Variants in MRPS15 observed in about 807,000 individuals in gnomAD.
MRPS15 encodes mitochondrial ribosomal protein S15.
A neutral mutation model predicts 30.7 loss-of-function variants in MRPS15; 25 were observed. The ratio of observed to expected loss-of-function variants is 0.81; its 90% CI spans 0.59 to 1.14. MRPS15 has a LOEUF of 1.14. MRPS15 is among the 50% of genes most tolerant of loss of function. The pLI, the probability that MRPS15 is intolerant of heterozygous loss-of-function variation, is 0.00. For synonymous variants in MRPS15, 124 were observed against 120.1 expected, an observed-to-expected ratio of 1.03 and a Z score of -0.21; for missense variants, 313 against 321.7, an observed-to-expected ratio of 0.97 and a Z score of 0.21.
intron 6 of MRPS15, among the ~76,000 whole-genome samples, chr1:36,457,208 G>A (rs531968224): frequency 1.5e-4 from 23 of 151,926 alleles, no homozygotes; most frequent in African/African-American, 3.6e-4. Flanking sequence ...CCTGGGAGGC[G>A]GAGCCTGCAG....
intron 2 of MRPS15, among the ~76,000 whole-genome samples, chr1:36,462,412 T>G (rs1650117087): frequency 6.6e-6 from 1 of 152,228 alleles, no homozygotes; most frequent in Non-Finnish European, 1.5e-5. Context: ...CACACACCTA[T>G]CTGGCTCTAC....
At chr1:36,461,191 G>C in intron 4 of MRPS15, 73 bp downstream of exon 4, 2 of 1,375,006 alleles carry the variant, frequency 1.5e-6, no homozygotes, top group Non-Finnish European at 1.0e-6. Context: ...GAGATGCGGG[G>C]TGCTAATCAG....
At chr1:36,461,871 C>G (rs1650106196) in intron 3 of MRPS15, among the ~76,000 whole-genome samples, 1 of 152,128 alleles carries the variant, frequency 6.6e-6, no homozygotes, top group Non-Finnish European at 1.5e-5. Context: ...GGGTGTTCAT[C>G]TAGAGTACAA....
Position 36,457,928 on chromosome 1 carries a change from G to C in MRPS15, c.439C>G (p.Arg147Gly). 1 of 1,614,052 alleles carries C rather than the reference G, an allele frequency of 6.2e-7. No individual in the cohort carries two copies. The highest frequency in any genetic ancestry group is 8.5e-7 in the Non-Finnish European group (1 of 1,179,938). Residue 147 changes from arginine to glycine, a missense_variant, in exon 6 of 8, where the codon CGA becomes GGA. Physicochemically the swap from Arg to Gly is moderately radical, Grantham distance 125. Transcript: ENST00000373116. ...RSYEEHLEKH[R>G]KDKAHKRYLL... ...GAATGACGTCCAGAGTTTACCTTTC[G>C]ATGTTTCTCCAAGTGTTCTTCATAA...
At position 36,456,316 on chromosome 1, in the gene MRPS15, G is replaced by C. The variant is rs950070027; in HGVS notation, c.507C>G (p.Asn169Lys). 6 of 1,614,170 alleles carry C rather than the reference G, an allele frequency of 3.7e-6. No individual in the cohort carries two copies. Among genetic ancestry groups the C allele is most frequent in the Non-Finnish European group, 4.2e-6 (5 of 1,180,026 alleles). The change falls in exon 7 of 8, where the codon AAC becomes AAG. Residue 169 changes from asparagine (N) to lysine (K), a missense_variant. Transcript: ENST00000373116. Reference sequence around the variant, plus strand: ...AGACATCATAGTTGGTGTTACGGAGGTTTTTGAGCATCTTTTTCCTCTGGT... The same window carrying C: ...AGACATCATAGTTGGTGTTACGGAGCTTTTTGAGCATCTTTTTCCTCTGGT... ...SIDQRKKMLK[N>K]LRNTNYDVFE... is the part of the protein sequence containing the mutation.
chr1:36,460,066 A>G (rs1650064761), intron 5 of MRPS15, among the ~76,000 whole-genome samples: 1 of 152,212 alleles, frequency 6.6e-6, no homozygotes, highest in South Asian at 2.1e-4. Context: ...GCGAGAGTGC[A>G]GTGGCGCGAT....
At chr1:36,461,426 A>G in intron 3 of MRPS15, 114 bp from the exon 4 acceptor site, 1 of 994,708 alleles carries the variant, frequency 1.0e-6, no homozygotes, top group African/African-American at 1.6e-5. Flanking sequence ...TCTGTAGCAA[A>G]TGAATCTCCC....
chr1:36,463,926 T>C (rs775204570), intron 1 of MRPS15, 76 bp from the exon 2 acceptor site: 74 of 1,550,486 alleles, frequency 4.8e-5, no homozygotes, highest in Non-Finnish European at 6.3e-5. Context: ...GCCCCTCGCA[T>C]TGCCCGTCCG....
chr1:36,455,857 T>C lies in MRPS15; in HGVS notation c.705A>G (p.Lys235=). The C allele has an allele frequency of 2.5e-6, 4 of 1,614,130 alleles. No individual in the cohort carries two copies. The highest frequency in any genetic ancestry group is 3.4e-6 in the Non-Finnish European group (4 of 1,179,992). ...RALKAAAAAQ[K]QAKRRNPDSP... ...TGTCTGGGTTCCTCCGCTTTGCTTGTTTTTGGGCTGCTGCTGCAGCCTTTA... is the reference window on the plus strand; with the variant it reads ...TGTCTGGGTTCCTCCGCTTTGCTTGCTTTTGGGCTGCTGCTGCAGCCTTTA... The change falls in exon 8 of 8, where the codon AAA becomes AAG. Residue 235 remains lysine, a synonymous_variant. Coordinates refer to ENST00000373116, the MANE Select transcript of MRPS15 (RefSeq NM_031280.4).
chr1:36,464,121 G>A, intron 1 of MRPS15, 25 bp downstream of exon 1: 1 of 1,593,574 alleles, frequency 6.3e-7, no homozygotes, highest in Non-Finnish European at 8.5e-7. Flanking sequence ...CCCTACGCCC[G>A]CCGTCCCATT....
intron 2 of MRPS15, among the ~76,000 whole-genome samples, chr1:36,463,189 A>C (rs1365449570): frequency 6.6e-6 from 1 of 152,018 alleles, no homozygotes; most frequent in Non-Finnish European, 1.5e-5. Flanking sequence ...CTGGTCTCGA[A>C]CTCCTGAACT....
chr1:36,460,115 A>T (rs1367856877), intron 5 of MRPS15, among the ~76,000 whole-genome samples: 1 of 152,134 alleles, frequency 6.6e-6, no homozygotes, highest in East Asian at 1.9e-4. Context: ...GGTTCACGCC[A>T]TTCTCCTGCC....
Position 36,460,685 on chromosome 1 carries a change from G to T in MRPS15, c.385+7C>A. On this transcript the variant is annotated splice_region_variant and intron_variant, in intron 5 of 7. Coordinates refer to ENST00000373116, the MANE Select transcript of MRPS15 (RefSeq NM_031280.4). ...ACACCCCCACTCCCCAAGGGTCCCC[G>T]ACCAACTTCGAGCCTCCAGGGATCT... 2 of 1,613,176 alleles carry T rather than the reference G, an allele frequency of 1.2e-6. No homozygotes were observed. Among genetic ancestry groups the T allele is most frequent in the South Asian group, 2.2e-5 (2 of 91,016 alleles).
chr1:36,456,271 C>A lies in MRPS15; in HGVS notation c.552G>T (p.Gly184=), dbSNP rs141725098. 4 of 1,614,022 alleles carry A rather than the reference C, an allele frequency of 2.5e-6. No individual in the cohort carries two copies. In the African/African-American group the frequency reaches 5.3e-5, roughly 22 times the overall value. ...GGGGGAAGGTGTACTCAATTCCCAG[C>A]CCCCAGCATATCTTCTCAAAGACAT... ...NYDVFEKICW[G]LGIEYTFPPL... The change falls in exon 7 of 8, where the codon GGG becomes GGT. Residue 184 remains glycine (G), a synonymous_variant. Transcript: ENST00000373116.
intron 2 of MRPS15, 57 bp downstream of exon 2, chr1:36,463,748 AC>A: frequency 3.2e-6 from 5 of 1,572,558 alleles, no homozygotes; most frequent in Non-Finnish European, 4.3e-6. Flanking sequence ...CCCCTTACCC[AC>A]CCCAGCCTTC....
intron 2 of MRPS15, among the ~76,000 whole-genome samples, chr1:36,463,480 T>C (rs531316097): frequency 6.6e-6 from 1 of 152,348 alleles, no homozygotes; most frequent in South Asian, 2.1e-4. Context: ...TGAGTTGCAA[T>C]GGGAAATTAC....
In MRPS15 at chr1:36,462,733, C is replaced by A. The variant is rs148310754; in HGVS notation, c.176-570G>T. On this transcript the variant is annotated intron_variant, in intron 2 of 7. Transcript: ENST00000373116. ...TCCTCTCCAGTCAGACCCTGCTATG[C>A]AAATAACATTAATGGGCCTCTTCTG... 5.9e-3 allele frequency among the ~76,000 whole-genome samples: 904 copies of A among 152,284 alleles called. 10 individuals carry two copies. Among genetic ancestry groups the A allele is most frequent in the African/African-American group, 0.021 (862 of 41,542 alleles).
intron 5 of MRPS15, among the ~76,000 whole-genome samples, chr1:36,460,472 T>C (rs570536843): frequency 1.3e-5 from 2 of 152,200 alleles, no homozygotes; most frequent in Non-Finnish European, 2.9e-5. Flanking sequence ...CAAGAGAGGG[T>C]TGGTGACTTA....
chr1:36,463,553 G>A (rs182063553), intron 2 of MRPS15, among the ~76,000 whole-genome samples: 1 of 152,336 alleles, frequency 6.6e-6, no homozygotes, highest in East Asian at 1.9e-4. Flanking sequence ...GGTGGTGCCA[G>A]CCATGCACTC....
Sources: gnomAD v4.1 joint callset for allele counts (sites outside exome capture counted in the v4.1 genomes callset) on GRCh38, gnomAD v4.1.1 for gene constraint, MANE v1.5 for transcripts, NCBI Gene and HGNC (gene_info 2026-07-23, HGNC 2026-07-21) for gene names.